Variants in LPP observed in about 807,000 individuals in gnomAD.
The protein encoded by LPP is LIM domain containing preferred translocation partner in lipoma, also known as lipoma-preferred partner.
LPP carries 38 observed loss-of-function variants against 60.4 expected under a neutral mutation model. The ratio of observed to expected loss-of-function variants is 0.63; its 90% CI spans 0.49 to 0.83. The LOEUF is 0.83. LPP is among the 40% of genes least tolerant of loss of function. The pLI is 0.00. For missense variants in LPP, 902 were observed against 783.6 expected (o/e 1.15, Z -1.80); for synonymous variants, 328 against 290.8 (o/e 1.13, Z -1.30).
chr3:188,495,951 G>C (rs1057246653), intron 5 of LPP, among the ~76,000 whole-genome samples: 2 of 152,082 alleles, frequency 1.3e-5, no homozygotes, highest in African/African-American at 4.8e-5. Context: ...GATTTCACTT[G>C]ATCCATTCAA....
intron 7 of LPP, among the ~76,000 whole-genome samples, chr3:188,706,942 G>C (rs948963880): frequency 2.6e-5 from 4 of 152,054 alleles, no homozygotes; most frequent in Admixed American, 6.6e-5. Context: ...GAATGTTGGG[G>C]TGAGATATTA....
At chr3:188,704,173 C>T (rs1434291269) in intron 7 of LPP, among the ~76,000 whole-genome samples, 1 of 152,074 alleles carries the variant, frequency 6.6e-6, no homozygotes, top group African/African-American at 2.4e-5. Flanking sequence ...CTCAAGGTCT[C>T]CCTGTATTGC....
intron 10 of LPP, 116 bp downstream of exon 10, chr3:188,866,494 TGAGGCTTTTAAAA>T: frequency 1.2e-6 from 1 of 864,324 alleles, no homozygotes; most frequent in Non-Finnish European, 1.6e-6. Flanking sequence ...CAGGATTTAG[TGAGGCTTTTAAAA>T]GAGCTTATTG....
intron 3 of LPP, among the ~76,000 whole-genome samples, chr3:188,393,458 G>C (rs1780178052): frequency 2.0e-5 from 3 of 152,094 alleles, no homozygotes; most frequent in Admixed American, 2.0e-4. Flanking sequence ...GGAACTTCTG[G>C]GAGAGGACTT....
intron 2 of LPP, among the ~76,000 whole-genome samples, chr3:188,316,606 C>G (rs189079933): frequency 6.6e-6 from 1 of 152,174 alleles, no homozygotes; most frequent in Non-Finnish European, 1.5e-5. Context: ...GAAATGATAA[C>G]GATGAACCTG....
chr3:188,264,716 G>A (rs886986239), intron 2 of LPP, among the ~76,000 whole-genome samples: 21 of 152,038 alleles, frequency 1.4e-4, no homozygotes, highest in African/African-American at 3.9e-4. Context: ...TCGTTCTTTC[G>A]TCATTGTCCT....
intron 2 of LPP, among the ~76,000 whole-genome samples, chr3:188,332,458 T>C (rs1159977719): frequency 6.6e-6 from 1 of 152,238 alleles, no homozygotes; most frequent in Non-Finnish European, 1.5e-5. Context: ...AATCCCATCT[T>C]ATATCACATG....
chr3:188,786,050 G>C lies in LPP; in HGVS notation c.1410+25768G>C, dbSNP rs190497154. Among the ~76,000 whole-genome samples the C allele has an allele frequency of 3.4e-4, 51 of 152,102 alleles. 1 individual carries two copies. Among genetic ancestry groups the C allele is most frequent in the Non-Finnish European group, 5.9e-5 (4 of 68,002 alleles). On this transcript the variant is annotated intron_variant, in intron 9 of 11. Transcript: ENST00000617246. ...GGTGTGTAGTAATTATCTCATTATA[G>C]TTTGACTTGCTTTTCTCAAAGTGCT... is the stretch of plus-strand genomic sequence containing the variant.
chr3:188,322,823 C>T (rs1757329559), intron 2 of LPP, among the ~76,000 whole-genome samples: 1 of 152,202 alleles, frequency 6.6e-6, no homozygotes, highest in Admixed American at 6.5e-5. Context: ...ATGTCTGCCT[C>T]ACAAAGTTGT....
chr3:188,371,711 G>C (rs1773300620), intron 3 of LPP, among the ~76,000 whole-genome samples: 1 of 129,350 alleles, frequency 7.7e-6, no homozygotes, highest in Non-Finnish European at 1.6e-5. Flanking sequence ...CTGGAGTGCA[G>C]TGGCGCGATC....
chr3:188,308,389 A>T (rs901604152), intron 2 of LPP, among the ~76,000 whole-genome samples: 1 of 152,228 alleles, frequency 6.6e-6, no homozygotes, highest in Non-Finnish European at 1.5e-5. Flanking sequence ...GAGTGACAAT[A>T]TCATAGGGAT....
intron 2 of LPP, among the ~76,000 whole-genome samples, chr3:188,232,504 ATTTTT>A (rs71634069): frequency 2.9e-5 from 3 of 103,234 alleles, no homozygotes; most frequent in African/African-American, 7.1e-5. Context: ...ACACCCGGCT[ATTTTT>A]TTTTTTTTTT....
chr3:188,431,027 AT>A (rs1790758523), intron 4 of LPP, among the ~76,000 whole-genome samples: 1 of 152,016 alleles, frequency 6.6e-6, no homozygotes, highest in South Asian at 2.1e-4. Flanking sequence ...TATTTTGCTA[AT>A]GGTAAGTTTA....
At chr3:188,626,773 A>T (rs1257000269) in intron 7 of LPP, among the ~76,000 whole-genome samples, 1 of 152,168 alleles carries the variant, frequency 6.6e-6, no homozygotes, top group East Asian at 1.9e-4. Flanking sequence ...AATCTGATAT[A>T]CTAGGGGTTA....
At chr3:188,155,959 G>T (rs1716243407) in intron 1 of LPP, among the ~76,000 whole-genome samples, 1 of 152,212 alleles carries the variant, frequency 6.6e-6, no homozygotes, top group African/African-American at 2.4e-5. Flanking sequence ...AGGTTGCAGT[G>T]AGTTGAGATC....
chr3:188,494,714 G>A (rs544961334), intron 5 of LPP, among the ~76,000 whole-genome samples: 29 of 151,912 alleles, frequency 1.9e-4, no homozygotes, highest in Middle Eastern at 3.2e-3. Context: ...AGCATAATGC[G>A]ATGGTTAACA....
intron 7 of LPP, among the ~76,000 whole-genome samples, chr3:188,636,608 C>T (rs1466441413): frequency 6.6e-6 from 1 of 152,178 alleles, no homozygotes; most frequent in African/African-American, 2.4e-5. Context: ...GGGCCCAGGG[C>T]ACAGACAAAC....
intron 6 of LPP, among the ~76,000 whole-genome samples, chr3:188,569,679 A>G (rs993445826): frequency 6.6e-6 from 1 of 151,966 alleles, no homozygotes; most frequent in Non-Finnish European, 1.5e-5. Flanking sequence ...AGAAGGTTGT[A>G]TGTAACTCAT....
intron 7 of LPP, among the ~76,000 whole-genome samples, chr3:188,629,042 G>C (rs1485238336): frequency 6.6e-6 from 1 of 152,052 alleles, no homozygotes; most frequent in East Asian, 1.9e-4. Flanking sequence ...AAGGGTTTTG[G>C]TAAAATTCAA....
Sources: gnomAD v4.1 joint callset for allele counts (sites outside exome capture counted in the v4.1 genomes callset) on GRCh38, gnomAD v4.1.1 for gene constraint, MANE v1.5 for transcripts, NCBI Gene and HGNC (gene_info 2026-07-23, HGNC 2026-07-21) for gene names.